The following THSD7B variants were observed in gnomAD, a reference collection of about 807,000 sequenced individuals.
THSD7B encodes the protein thrombospondin type-1 domain-containing protein 7B.
Under a neutral mutation model 213.6 loss-of-function variants are expected in THSD7B, and 138 were observed. The ratio of observed to expected loss-of-function variants is 0.65; its 90% confidence interval spans 0.56 to 0.74. THSD7B has a LOEUF of 0.74. THSD7B is among the 30% of genes least tolerant of loss of function. The probability of loss-of-function intolerance (pLI) is 0.00; values close to 1 mark genes in which losing one functional copy is unlikely to be tolerated. For missense variants in THSD7B, 1,931 were observed against 1,991.5 expected (o/e 0.97, Z 0.58); for synonymous variants, 742 against 687.0 (o/e 1.08, Z -1.25).
At chr2:136,872,693 C>G (rs1683452987) in intron 1 of THSD7B, among the ~76,000 whole-genome samples, 1 of 148,848 alleles carries the variant, frequency 6.7e-6, no homozygotes, top group East Asian at 2.0e-4. Context: ...CAAGTGGACA[C>G]TTTAAAGAAT....
intron 15 of THSD7B, among the ~76,000 whole-genome samples, chr2:137,479,303 G>C (rs540001023): frequency 6.6e-6 from 1 of 152,304 alleles, no homozygotes; most frequent in South Asian, 2.1e-4. Flanking sequence ...ACCAGGAGGA[G>C]TGCTCAGGTG....
intron 5 of THSD7B, among the ~76,000 whole-genome samples, chr2:137,136,950 A>G (rs1350818174): frequency 2.0e-5 from 3 of 152,164 alleles, no homozygotes; most frequent in Admixed American, 1.3e-4. Context: ...TTCCACCTAA[A>G]TTGCTTTCGC....
At chr2:137,289,278 C>G (rs887760363) in intron 12 of THSD7B, among the ~76,000 whole-genome samples, 1 of 149,688 alleles carries the variant, frequency 6.7e-6, no homozygotes, top group Non-Finnish European at 1.5e-5. Flanking sequence ...TCTTAGAAAT[C>G]CTCAATTAAA....
At chr2:137,376,854 CTGA>C (rs1181511284) in intron 12 of THSD7B, among the ~76,000 whole-genome samples, 1 of 152,118 alleles carries the variant, frequency 6.6e-6, no homozygotes, top group Non-Finnish European at 1.5e-5. Context: ...GGATTTTAGT[CTGA>C]TGTCTTTTTA....
At chr2:137,469,439 C>A (rs1019622060) in intron 15 of THSD7B, among the ~76,000 whole-genome samples, 3 of 152,100 alleles carry the variant, frequency 2.0e-5, no homozygotes, top group African/African-American at 7.2e-5. Flanking sequence ...TGACTTATTT[C>A]TTAATTAAAA....
At chr2:137,004,349 A>AT (rs1686064117) in intron 2 of THSD7B, among the ~76,000 whole-genome samples, 2 of 136,612 alleles carry the variant, frequency 1.5e-5, no homozygotes, top group Admixed American at 1.5e-4. Flanking sequence ...ACACACACAA[A>AT]CTTATTCCAG....
At chr2:137,672,854 T>G (rs370906035) in intron 27 of THSD7B, among the ~76,000 whole-genome samples, 1 of 152,296 alleles carries the variant, frequency 6.6e-6, no homozygotes, top group African/African-American at 2.4e-5. Context: ...TGTTTGGAGT[T>G]TCAGAAATAT....
At chr2:136,945,780 C>T (rs1241300369) in intron 2 of THSD7B, among the ~76,000 whole-genome samples, 2 of 152,212 alleles carry the variant, frequency 1.3e-5, no homozygotes, top group Admixed American at 6.5e-5. Flanking sequence ...GAAGCTTGTG[C>T]ATGCGTCACG....
intron 2 of THSD7B, among the ~76,000 whole-genome samples, chr2:137,046,598 C>T (rs962551212): frequency 9.9e-5 from 15 of 151,762 alleles, no homozygotes; most frequent in Non-Finnish European, 1.3e-4. Flanking sequence ...GGCATGGTGG[C>T]GGGCACTTGT....
At chr2:137,295,306 C>T (rs548037325) in intron 12 of THSD7B, among the ~76,000 whole-genome samples, 3 of 152,114 alleles carry the variant, frequency 2.0e-5, no homozygotes, top group Admixed American at 2.0e-4. Flanking sequence ...CATGCTTAGT[C>T]TCTTCCTCTA....
At chr2:137,238,873 T>C (rs1681836973) in intron 9 of THSD7B, among the ~76,000 whole-genome samples, 1 of 152,160 alleles carries the variant, frequency 6.6e-6, no homozygotes, top group African/African-American at 2.4e-5. Flanking sequence ...TCTTTCTTTC[T>C]CTTGTTATGC....
chr2:136,920,601 C>T (rs770769163), intron 2 of THSD7B, among the ~76,000 whole-genome samples: 1 of 152,210 alleles, frequency 6.6e-6, no homozygotes, highest in African/African-American at 2.4e-5. Flanking sequence ...TGGACTTCAC[C>T]TGGAACTGGC....
chr2:137,635,212 T>C (rs993302674), intron 20 of THSD7B, among the ~76,000 whole-genome samples: 2 of 152,234 alleles, frequency 1.3e-5, no homozygotes, highest in South Asian at 4.1e-4. Context: ...TTTTGTAAGC[T>C]GATGAGTGCA....
At chr2:137,027,193 AGT>A (rs1277901900) in intron 2 of THSD7B, among the ~76,000 whole-genome samples, 9 of 152,220 alleles carry the variant, frequency 5.9e-5, no homozygotes, top group African/African-American at 2.2e-4. Flanking sequence ...TTTTAAGTAT[AGT>A]GCTAGCTGCT....
intron 2 of THSD7B, among the ~76,000 whole-genome samples, chr2:137,041,405 T>C (rs2104862094): frequency 6.6e-6 from 1 of 152,168 alleles, no homozygotes; most frequent in African/African-American, 2.4e-5. Flanking sequence ...CAAAATGTAC[T>C]AAGAATACTA....
chr2:137,425,819 T>A (rs1180995764), intron 14 of THSD7B, among the ~76,000 whole-genome samples: 1 of 152,138 alleles, frequency 6.6e-6, no homozygotes, highest in Non-Finnish European at 1.5e-5. Flanking sequence ...CTTAACATAG[T>A]ACTAGAAATC....
intron 17 of THSD7B, among the ~76,000 whole-genome samples, chr2:137,598,961 C>T (rs1682021950): frequency 6.7e-6 from 1 of 150,170 alleles, no homozygotes; most frequent in Non-Finnish European, 1.5e-5. Flanking sequence ...TATACATGTG[C>T]CACGCTGGTG....
At chr2:137,466,526 A>G (rs1687994181) in intron 15 of THSD7B, among the ~76,000 whole-genome samples, 1 of 151,958 alleles carries the variant, frequency 6.6e-6, no homozygotes, top group Non-Finnish European at 1.5e-5. Flanking sequence ...ATCAGCTATC[A>G]TTAGTGTTAC....
In THSD7B at chr2:136,841,320, G is replaced by A. The variant is rs142083178; in HGVS notation, c.-35-40824G>A. On this transcript the variant is annotated intron_variant, in intron 1 of 27. Transcript: ENST00000409968. ...TGTTATGGAAATGAAAAAAGACCGGGCGCAGTGGCTCATGACGGTAATCCC... is the reference window on the plus strand; with the variant it reads ...TGTTATGGAAATGAAAAAAGACCGGACGCAGTGGCTCATGACGGTAATCCC... Among the ~76,000 whole-genome samples the A allele has an allele frequency of 6.9e-3, 1,057 of 152,192 alleles. 20 individuals are homozygous for A. Among genetic ancestry groups the A allele is most frequent in the African/African-American group, 0.024 (997 of 41,530 alleles).
Sources: allele counts gnomAD v4.1 joint callset (sites outside exome capture counted in the v4.1 genomes callset), GRCh38; gene constraint gnomAD v4.1.1; transcripts MANE v1.5; gene names NCBI Gene and HGNC (gene_info 2026-07-23, HGNC 2026-07-21).